The following COL5A3 variants were observed in gnomAD, a reference collection of about 807,000 sequenced individuals.
COL5A3 encodes the protein collagen alpha-3(V) chain.
COL5A3 carries 172 observed loss-of-function variants against 250.0 expected under a neutral mutation model. The observed-to-expected ratio is 0.69, with a 90% confidence interval of 0.61 to 0.78. The LOEUF is 0.78. Among genes scored for constraint, COL5A3 ranks in the 30% least tolerant of loss-of-function variants. The probability of loss-of-function intolerance (pLI) is 0.00; values close to 1 mark genes in which losing one functional copy is unlikely to be tolerated. For synonymous variants in COL5A3, 937 were observed against 900.4 expected (o/e 1.04, Z -0.73); for missense variants, 2,340 against 2,334.4 (o/e 1.00, Z -0.05).
rs531037970 is a variant in COL5A3 at position 9,960,548 on chromosome 19, C to T, written c.5101G>A (p.Gly1701Arg). 6.2e-7 allele frequency: 1 copy of T among 1,614,202 alleles called. No homozygotes were observed. The highest frequency in any genetic ancestry group is 8.5e-7 in the Non-Finnish European group (1 of 1,180,048). ...AATTCGAAAAGGGTCTTCGTCTGTC[C>T]TTTCCGGAGCTGTCCCCAGAGAAGA... The part of the protein sequence containing the change: ...VPQDGCRLRK[G>R]QTKTLFEFSS... Residue 1701 changes from glycine (G) to arginine (R), a missense_variant, in exon 67 of 67, where the codon GGA becomes AGA. Transcript: ENST00000264828.
At position 9,968,937 on chromosome 19, in the gene COL5A3, A is replaced by G; in HGVS notation, c.4153-209T>C. 3 of 633,236 alleles carry G rather than the reference A, an allele frequency of 4.7e-6. No homozygotes were observed. The highest frequency in any genetic ancestry group is 8.4e-6 in the Non-Finnish European group (3 of 358,876). The allele number at this position is 633,236 out of a possible 1,614,324, so 39.2% of individuals were successfully genotyped here. A position where few individuals can be genotyped will look rare whatever the true frequency, so the allele number is the denominator to read the frequency against. ...TGGAGGATGGACAACGTGAGTGGTC[A>G]GTGGCCAAGGTCAGCGTGGGTGATC... On this transcript the variant is annotated intron_variant, in intron 57 of 66. Coordinates refer to ENST00000264828, the MANE Select transcript of COL5A3 (RefSeq NM_015719.4). This position sits in a 1 kb window ranked among gnomAD's most constrained non-coding sequence, Gnocchi z 4.1.
chr19:10,004,996 C>T (rs973118026), intron 4 of COL5A3, among the ~76,000 whole-genome samples: 3 of 138,024 alleles, frequency 2.2e-5, no homozygotes, highest in South Asian at 4.9e-4. Context: ...TGCACTGCAA[C>T]GGCACACACA....
Position 10,003,614 on chromosome 19 carries a change from T to C in COL5A3, c.800A>G (p.Asn267Ser). Residue 267 changes from asparagine to serine, a missense_variant, in exon 6 of 67, where the codon AAC (asparagine) becomes AGC (serine). Transcript: ENST00000264828. Reference sequence around the variant, plus strand: ...TGGACTTGAGGTCCAAATTTCCTTGTTCTTTTTCCTGCCCTTCCCCTTGCG... The same window carrying C: ...TGGACTTGAGGTCCAAATTTCCTTGCTCTTTTTCCTGCCCTTCCCCTTGCG... ...RGRKGKGRKK[N>S]KEIWTSSPPP... is the part of the protein sequence containing the mutation. 6.2e-7 allele frequency: 1 copy of C among 1,614,208 alleles called. No homozygotes were observed. The highest frequency in any genetic ancestry group is 8.5e-7 in the Non-Finnish European group (1 of 1,180,050).
At position 9,972,921 on chromosome 19, in the gene COL5A3, C is replaced by A. The variant is rs201036569; in HGVS notation, c.3772G>T (p.Val1258Leu). The A allele has an allele frequency of 5.6e-6, 9 of 1,606,578 alleles. No homozygotes were observed. The East Asian group carries it at 1.6e-4, about 28-fold the overall frequency. ...PPGEDGAKGS[V>L]GPTGLPGDLG... ...CCCCACTTCCCCCCAGGACTCACCA[C>A]GCTCCCTTTGGCTCCATCCTCTCCA... Residue 1258 changes from valine to leucine, a missense_variant and splice_region_variant, in exon 51 of 67, where the codon GTG becomes TTG. Physicochemically the swap from Val to Leu is conservative, Grantham distance 32. This residue lies in a region of COL5A3 where 1,179 missense variants were observed against 1,162.6 expected (regional missense o/e 1.01). Coordinates refer to ENST00000264828, the MANE Select transcript of COL5A3 (RefSeq NM_015719.4).
At chr19:9,982,808 T>C (rs926154671) in intron 31 of COL5A3, among the ~76,000 whole-genome samples, 8 of 152,162 alleles carry the variant, frequency 5.3e-5, no homozygotes, top group Admixed American at 1.3e-4. Flanking sequence ...AGGCTCCCTC[T>C]ACTCTCCCTT....
intron 53 of COL5A3, 97 bp downstream of exon 53, chr19:9,970,878 G>A (rs1438396726): frequency 1.2e-5 from 14 of 1,215,872 alleles, no homozygotes; most frequent in Non-Finnish European, 1.6e-5. Context: ...AGGGGCCTTG[G>A]GTACCCCACT....
intron 19 of COL5A3, 132 bp downstream of exon 19, chr19:9,993,248 C>T (rs944386856): frequency 8.7e-7 from 1 of 1,154,344 alleles, no homozygotes; most frequent in Non-Finnish European, 1.3e-6. Context: ...CTGCAAGTCT[C>T]ACCTCCTCAC....
At position 10,010,042 on chromosome 19, in the gene COL5A3, C is replaced by T. The variant is rs556094655; in HGVS notation, c.88+256G>A. ...CACACATGCTACACACACATACACA[C>T]ATGCACACACCTGCACATTGCATGC... On this transcript the variant is annotated intron_variant, in intron 1 of 66. Coordinates refer to ENST00000264828, the MANE Select transcript of COL5A3 (RefSeq NM_015719.4). Among the ~76,000 whole-genome samples, 6 of 152,296 alleles carry T rather than the reference C, an allele frequency of 3.9e-5. No individual in the cohort carries two copies. In the South Asian group the frequency reaches 1.0e-3, roughly 26 times the overall value.
At position 9,977,584 on chromosome 19, in the gene COL5A3, A is replaced by G; in HGVS notation, c.3126+10T>C. The G allele has an allele frequency of 1.3e-6, 2 of 1,566,188 alleles. No homozygotes were observed. Among genetic ancestry groups the G allele is most frequent in the African/African-American group, 1.4e-5 (1 of 73,572 alleles). On this transcript the variant is annotated intron_variant, in intron 42 of 66. Transcript: ENST00000264828. ...GGAGGCCCTAGGAATGGGATGGGCA[A>G]GTCACTTACCCGGGACCCCTTCTTG...
Position 9,976,553 on chromosome 19 carries a change from C to G in COL5A3, c.3342+5G>C. On this transcript the variant is annotated splice_donor_5th_base_variant and intron_variant, in intron 45 of 66. Transcript: ENST00000264828. ...GAGAAGGACTGAAAAGATGGGGGCA[C>G]TCACCGGGGGACCTGGGTGTCCTGC... The G allele has an allele frequency of 6.4e-7, 1 of 1,564,780 alleles. No homozygotes were observed. Among genetic ancestry groups the G allele is most frequent in the Non-Finnish European group, 8.6e-7 (1 of 1,162,472 alleles).
At chr19:9,985,800 C>T (rs199941621) in intron 31 of COL5A3, 42 bp downstream of exon 31, 8 of 1,570,636 alleles carry the variant, frequency 5.1e-6, no homozygotes, top group Admixed American at 5.1e-5. Flanking sequence ...GTCTCTGAAT[C>T]CTGCCCATAT....
At chr19:9,963,571 G>GT (rs1205807459) in intron 64 of COL5A3, among the ~76,000 whole-genome samples, 2 of 104,430 alleles carry the variant, frequency 1.9e-5, no homozygotes, top group African/African-American at 7.5e-5. Context: ...TGGGGGGGGG[G>GT]GCGGGTGGAG....
chr19:9,977,947 CATAT>C (rs372091609), intron 41 of COL5A3, among the ~76,000 whole-genome samples: 1,428 of 105,998 alleles, frequency 0.013, 33 homozygotes, highest in African/African-American at 0.032. Flanking sequence ...GCAGCCTATA[CATAT>C]ATATATATAT....
chr19:10,003,486 C>T, intron 6 of COL5A3, 79 bp downstream of exon 6: 4 of 1,409,658 alleles, frequency 2.8e-6, no homozygotes, highest in Non-Finnish European at 3.0e-6. Flanking sequence ...AGAAGTCAAG[C>T]ACCAAGACCA....
At chr19:9,996,716 T>G (rs1189733473) in intron 11 of COL5A3, 27 bp from the exon 12 acceptor site, 6 of 1,566,174 alleles carry the variant, frequency 3.8e-6, no homozygotes, top group East Asian at 4.6e-5. Flanking sequence ...GGAAGAGAGG[T>G]GGAGACAGGG....
rs150195735 is a variant in COL5A3, at chr19:9,972,438, C to T, written c.3774+481G>A. ...TAATTCACTCATTCATACATTCATC[C>T]ACTCATTCATTAATCCATCCATCCA... On this transcript the variant is annotated intron_variant, in intron 51 of 66. Transcript: ENST00000264828. Among the ~76,000 whole-genome samples, 6 of 152,304 alleles carry T rather than the reference C, an allele frequency of 3.9e-5. No homozygotes were observed. The East Asian group carries it at 9.6e-4, about 24-fold the overall frequency.
At position 9,978,885 on chromosome 19, in the gene COL5A3, A is replaced by G; in HGVS notation, c.2964+6T>C. On this transcript the variant is annotated splice_donor_region_variant and intron_variant, in intron 40 of 66. Transcript: ENST00000264828. ...GACATGCAGGAGGGTCTCCAAAGAT[A>G]CTCACCGGGTCCCCAGGGCCCCCTT... The G allele has an allele frequency of 6.9e-7, 1 of 1,448,452 alleles. No homozygotes were observed. Among genetic ancestry groups the G allele is most frequent in the Non-Finnish European group, 9.1e-7 (1 of 1,098,914 alleles). 89.7% of individuals were successfully genotyped at this position (1,448,452 alleles called of 1,614,324 possible).
At chr19:9,986,640 C>T (rs769790223) in intron 28 of COL5A3, 34 bp from the exon 29 acceptor site, 5 of 1,613,916 alleles carry the variant, frequency 3.1e-6, no homozygotes, top group Non-Finnish European at 3.4e-6. Flanking sequence ...GAAGTGAGGG[C>T]CTCGGGGAAG....
chr19:9,978,209 C>T (rs34613029), intron 41 of COL5A3, among the ~76,000 whole-genome samples: 32,390 of 151,728 alleles, frequency 0.21, 4,289 homozygotes, highest in African/African-American at 0.37. Flanking sequence ...ATAAGGCTTC[C>T]CATCATGGCT....
Sources: gnomAD v4.1 joint callset for allele counts (sites outside exome capture counted in the v4.1 genomes callset) on GRCh38, gnomAD v4.1.1 for gene constraint, gnomAD v4.1.1 regional missense constraint, Gnocchi (gnomAD v3.1) non-coding constraint, MANE v1.5 for transcripts, NCBI Gene and HGNC (gene_info 2026-07-23, HGNC 2026-07-21) for gene names.